TBC1D8B: variants seen among roughly 807,000 people sequenced by gnomAD.
TBC1D8B encodes the protein TBC1 domain family member 8B.
TBC1D8B carries 75 observed loss-of-function variants against 82.9 expected under a neutral mutation model. The ratio of observed to expected loss-of-function variants is 0.90; its 90% CI spans 0.75 to 1.10. The LOEUF (loss-of-function observed/expected upper bound fraction) is 1.10. Among genes scored for constraint, TBC1D8B ranks in the 50% least tolerant of loss-of-function variants. The probability of loss-of-function intolerance (pLI) is 0.00; values close to 1 mark genes in which losing one functional copy is unlikely to be tolerated. For missense variants in TBC1D8B, 794 were observed against 796.9 expected (o/e 1.00, Z 0.04); for synonymous variants, 276 against 276.8 (o/e 1.00, Z 0.03).
chrX:106,875,114 A>T lies in TBC1D8B; in HGVS notation c.*1149A>T, dbSNP rs1341103730. On this transcript the variant is annotated 3_prime_UTR_variant, in exon 21 of 21. Coordinates refer to ENST00000357242, the MANE Select transcript of TBC1D8B (RefSeq NM_017752.3). ...GGGCTTTGTTAGCACTTTCAAAAAA[A>T]AAAAAAGCAAACCATACTTGTCCAC... 1 of 111,813 alleles carries T rather than the reference A, an allele frequency of 8.9e-6. No homozygotes were observed. The highest frequency in any genetic ancestry group is 1.9e-5 in the Non-Finnish European group (1 of 53,123). 9.2% of individuals were successfully genotyped at this position (111,813 alleles called of 1,213,427 possible).
chrX:106,821,944 A>G (rs1357969290), intron 3 of TBC1D8B, 33 bp from the exon 4 acceptor site: 3 of 1,123,776 alleles, frequency 2.7e-6, no homozygotes, highest in Non-Finnish European at 3.6e-6. Flanking sequence ...TTGGTAGGTG[A>G]TGAATTTTCA....
chrX:106,828,167 A>T lies in TBC1D8B; in HGVS notation c.1203+830A>T, dbSNP rs775402825. ...ATCAGAGAATACTACAAACACCTCT[A>T]CGCAAATAAACTAGAAAATCTAGAA... On this transcript the variant is annotated intron_variant, in intron 7 of 20. Transcript: ENST00000357242. The T allele has an allele frequency of 1.4e-3, 157 of 111,558 alleles. 1 individual carries two copies. Among genetic ancestry groups the T allele is most frequent in the African/African-American group, 4.9e-3 (149 of 30,691 alleles). 9.2% of individuals were successfully genotyped at this position (111,558 alleles called of 1,213,427 possible). A position where few individuals can be genotyped will look rare whatever the true frequency, so the allele number is the denominator to read the frequency against.
chrX:106,841,910 C>G (rs1932316329), intron 10 of TBC1D8B, among the ~76,000 whole-genome samples: 1 of 111,529 alleles, frequency 9.0e-6, no homozygotes, highest in African/African-American at 3.3e-5. Flanking sequence ...ACTTCATGCA[C>G]ATTCTATTGG....
chrX:106,872,308 G>A (rs754026053), intron 20 of TBC1D8B, among the ~76,000 whole-genome samples: 74 of 69,375 alleles, frequency 1.1e-3, no homozygotes, highest in African/African-American at 2.4e-3. Context: ...TGACAAGAGC[G>A]AAACTCTGTC....
At chrX:106,862,784 T>TG (rs1488466566) in intron 14 of TBC1D8B, among the ~76,000 whole-genome samples, 4 of 94,747 alleles carry the variant, frequency 4.2e-5, no homozygotes, top group African/African-American at 1.5e-4. Flanking sequence ...TTGTTTTTTT[T>TG]TTTTTTTTTT....
intron 12 of TBC1D8B, among the ~76,000 whole-genome samples, chrX:106,853,141 T>C (rs1179680028): frequency 9.0e-6 from 1 of 111,324 alleles, no homozygotes; most frequent in Non-Finnish European, 1.9e-5. Flanking sequence ...GTCCTTCACA[T>C]CCCTTGTAAG....
chrX:106,873,947 G>A lies in TBC1D8B; in HGVS notation c.3345G>A (p.Arg1115=), dbSNP rs779484889. ...KLENARISQL[R]SRTKM is the part of the protein sequence containing the mutation. ...AAAATGCAAGAATTTCTCAGTTAAG[G>A]TCTAGAACCAAGATGTAAATCCCTA... The change falls in exon 21 of 21, where the codon AGG becomes AGA. Residue 1115 remains arginine (R), a synonymous_variant. Transcript: ENST00000357242. The A allele has an allele frequency of 1.7e-6, 2 of 1,187,424 alleles. No homozygotes were observed. The highest frequency in any genetic ancestry group is 1.9e-5 in the South Asian group (1 of 51,690).
intron 1 of TBC1D8B, among the ~76,000 whole-genome samples, chrX:106,809,016 T>C (rs1321528148): frequency 8.9e-6 from 1 of 111,760 alleles, no homozygotes; most frequent in Non-Finnish European, 1.9e-5. Context: ...TAAAAGGCAT[T>C]ATAATGTTTG....
chrX:106,818,830 T>C, intron 2 of TBC1D8B, 57 bp downstream of exon 2: 1 of 895,521 alleles, frequency 1.1e-6, no homozygotes, highest in Non-Finnish European at 1.6e-6. Flanking sequence ...CAAAGCTGAG[T>C]ATTCATATTT....
Position 106,874,160 on chromosome X carries a change from C to G in TBC1D8B, c.*195C>G, listed in dbSNP as rs1272480996. 5 of 330,020 alleles carry G rather than the reference C, an allele frequency of 1.5e-5. No homozygotes were observed. Among genetic ancestry groups the G allele is most frequent in the African/African-American group, 2.7e-5 (1 of 37,034 alleles). 27.2% of individuals were successfully genotyped at this position (330,020 alleles called of 1,213,427 possible). On this transcript the variant is annotated 3_prime_UTR_variant, in exon 21 of 21. Transcript: ENST00000357242. ...GTTAGCACTTTTTAAAACAAACAAA[C>G]AAACAAAACAAAAAAGCAAACCACA...
intron 18 of TBC1D8B, 21 bp from the exon 19 acceptor site, chrX:106,869,464 C>T: frequency 8.4e-7 from 1 of 1,192,359 alleles, no homozygotes; most frequent in Non-Finnish European, 1.1e-6. Context: ...TTACAGAATG[C>T]AATTACATCT....
Position 106,873,826 on chromosome X carries a change from G to T in TBC1D8B, c.3224G>T (p.Trp1075Leu), listed in dbSNP as rs777964676. The change falls in exon 21 of 21, where the codon TGG (tryptophan) becomes TTG (leucine). Residue 1075 changes from tryptophan to leucine, a missense_variant. Transcript: ENST00000357242. ...DPCSFREEPQWSFAFEQILAS... is the reference protein window; with the variant it reads ...DPCSFREEPQLSFAFEQILAS... Reference sequence around the variant, plus strand: ...TGTTCCTTTAGGGAGGAACCTCAGTGGTCATTTGCATTTGAACAGATTCTT... The same window carrying T: ...TGTTCCTTTAGGGAGGAACCTCAGTTGTCATTTGCATTTGAACAGATTCTT... 1 of 1,211,917 alleles carries T rather than the reference G, an allele frequency of 8.3e-7. No individual in the cohort carries two copies. Among genetic ancestry groups the T allele is most frequent in the South Asian group, 1.8e-5 (1 of 56,967 alleles).
At chrX:106,869,045 T>C (rs1162664801) in intron 18 of TBC1D8B, among the ~76,000 whole-genome samples, 1 of 111,764 alleles carries the variant, frequency 8.9e-6, no homozygotes, top group African/African-American at 3.2e-5. Flanking sequence ...TCTAGTCAAG[T>C]CTCTTCCTTT....
Position 106,804,305 on chromosome X carries a change from TC to T in TBC1D8B, c.130+1325del, listed in dbSNP as rs200342786. ...TGCTGTTATTTCGTTTTCAAGCCAC[TC>T]CCGGGGTGCAAAGAATTCTGAGGTT... On this transcript the variant is annotated intron_variant, in intron 1 of 20. Transcript: ENST00000357242. Among the ~76,000 whole-genome samples the T allele has an allele frequency of 1.2e-3, 130 of 111,164 alleles. No individual in the cohort carries two copies. In the East Asian group the frequency reaches 0.031, roughly 27 times the overall value.
chrX:106,863,246 T>C (rs1932791828), intron 14 of TBC1D8B, among the ~76,000 whole-genome samples: 1 of 111,717 alleles, frequency 9.0e-6, no homozygotes, highest in South Asian at 3.8e-4. Context: ...AGGTGGCGCT[T>C]AAGAGTGTTA....
In TBC1D8B at chrX:106,870,477, G is replaced by A. The variant is rs192670763; in HGVS notation, c.2870-239G>A. On this transcript the variant is annotated intron_variant, in intron 19 of 20. Transcript: ENST00000357242. Reference sequence around the variant, plus strand: ...TAAATATGTCCTTTCTCCCTCTCTCGCCACATATTCCCTAGTTCCCAACTT... The same window carrying A: ...TAAATATGTCCTTTCTCCCTCTCTCACCACATATTCCCTAGTTCCCAACTT... 6.3e-5 allele frequency among the ~76,000 whole-genome samples: 7 copies of A among 111,520 alleles called. 1 individual carries two copies. The highest frequency in any genetic ancestry group is 2.9e-4 in the Admixed American group (3 of 10,513).
At chrX:106,867,874 G>A (rs1429203446) in intron 17 of TBC1D8B, among the ~76,000 whole-genome samples, 2 of 110,998 alleles carry the variant, frequency 1.8e-5, no homozygotes, top group African/African-American at 6.5e-5. Context: ...AATTATAAAA[G>A]GAGTTTCCAT....
At chrX:106,828,909 T>A (rs1397498305) in intron 7 of TBC1D8B, 1 of 107,121 alleles carries the variant, frequency 9.3e-6, no homozygotes, top group Non-Finnish European at 1.9e-5. Context: ...CTCTCACCAC[T>A]CCTATTCAAC....
intron 13 of TBC1D8B, 134 bp downstream of exon 13, chrX:106,853,784 T>C (rs1932642329): frequency 2.6e-5 from 17 of 643,796 alleles, no homozygotes; most frequent in Non-Finnish European, 4.0e-5. Flanking sequence ...ACTTAACTTT[T>C]AAAATGAGTT....
Sources: allele counts gnomAD v4.1 joint callset (sites outside exome capture counted in the v4.1 genomes callset), GRCh38; gene constraint gnomAD v4.1.1; transcripts MANE v1.5; gene names NCBI Gene and HGNC (gene_info 2026-07-23, HGNC 2026-07-21).